Variants in CUX1 observed in about 807,000 individuals in gnomAD.
CUX1 encodes the protein protein CASP.
A neutral mutation model predicts 158.8 loss-of-function variants in CUX1; 31 were observed. The ratio of observed to expected loss-of-function variants is 0.20; its 90% CI spans 0.15 to 0.26. The LOEUF (loss-of-function observed/expected upper bound fraction) is 0.26, where lower values mean the gene tolerates loss of function less well. Among genes scored for constraint, CUX1 ranks in the 10% least tolerant of loss-of-function variants. The pLI is 1.00. For synonymous variants in CUX1, 879 were observed against 862.1 expected (o/e 1.02, Z -0.34); for missense variants, 1,589 against 2,014.6 (o/e 0.79, Z 4.04).
chr7:102,221,567 T>C (rs548847763), intron 20 of CUX1, among the ~76,000 whole-genome samples: 3 of 151,802 alleles, frequency 2.0e-5, no homozygotes, highest in East Asian at 3.9e-4. Flanking sequence ...TTGGCTCCCA[T>C]TGAAAACTTA....
chr7:101,837,092 C>T (rs1039805884), intron 1 of CUX1, among the ~76,000 whole-genome samples: 2 of 152,168 alleles, frequency 1.3e-5, no homozygotes, highest in African/African-American at 2.4e-5. Flanking sequence ...AGCAACTTGC[C>T]GTGCACGGCT....
In CUX1 at chr7:102,104,455, G is replaced by A; in HGVS notation, c.526G>A (p.Glu176Lys). 1 of 1,613,010 alleles carries A rather than the reference G, an allele frequency of 6.2e-7. No homozygotes were observed. Among genetic ancestry groups the A allele is most frequent in the Non-Finnish European group, 8.5e-7 (1 of 1,179,688 alleles). Residue 176 changes from glutamate (E) to lysine (K), a missense_variant, in exon 6 of 24, where the codon GAG (glutamate) becomes AAG (lysine). Transcript: ENST00000292535. ...QKLQNDFAEKERKLQETQMST... is the reference protein window; with the variant it reads ...QKLQNDFAEKKRKLQETQMST... ...GTTACAGAATGACTTTGCAGAAAAG[G>A]AGAGGTGAGCATGACTTCCAGGCAC... is the stretch of plus-strand genomic sequence containing the variant.
In CUX1 at chr7:101,999,206, CT is replaced by C. The variant is rs1416501286; in HGVS notation, c.142-28884del. Among the ~76,000 whole-genome samples, 43 of 108,730 alleles carry C rather than the reference CT, an allele frequency of 4.0e-4. No individual in the cohort carries two copies. The Admixed American group carries it at 4.0e-3, about 10-fold the overall frequency. 71.3% of individuals were successfully genotyped at this position (108,730 alleles called of 152,430 possible). A position where few individuals can be genotyped will look rare whatever the true frequency, so the allele number is the denominator to read the frequency against. On this transcript the variant is annotated intron_variant, in intron 2 of 23. Coordinates refer to ENST00000292535, the MANE Select transcript of CUX1 (RefSeq NM_181552.4). ...GGGATTTTTATCTTTCCTTTACAAA[CT>C]TTTTTTTACCTTTTTTTTTTTTTTT...
At chr7:102,128,122 G>A (rs1832845220) in intron 8 of CUX1, among the ~76,000 whole-genome samples, 1 of 152,186 alleles carries the variant, frequency 6.6e-6, no homozygotes, top group Non-Finnish European at 1.5e-5. Flanking sequence ...ACAGGCGTGA[G>A]CCACCACGCC....
At chr7:101,939,937 C>T (rs1405002594) in intron 2 of CUX1, among the ~76,000 whole-genome samples, 1 of 152,076 alleles carries the variant, frequency 6.6e-6, no homozygotes, top group Non-Finnish European at 1.5e-5. Flanking sequence ...AAAAATTAGC[C>T]AGGCATGGTA....
At chr7:101,887,137 A>G (rs971512658) in intron 1 of CUX1, among the ~76,000 whole-genome samples, 1 of 152,012 alleles carries the variant, frequency 6.6e-6, no homozygotes, top group African/African-American at 2.4e-5. Flanking sequence ...TTTTGCAGGG[A>G]CGGTTTGGAA....
rs1049283867 is a variant in CUX1 at position 102,252,622 on chromosome 7, G to T, written c.*3580G>T. ...GTGTTTGCATTTAGCCTCTTGACCC[G>T]GAGTTCCGGCCCAAGCTCCCTTGTG... On this transcript the variant is annotated 3_prime_UTR_variant, in exon 24 of 24. Transcript: ENST00000292535. 1.0e-6 allele frequency: 1 copy of T among 985,256 alleles called. No individual in the cohort carries two copies. The highest frequency in any genetic ancestry group is 1.7e-5 in the African/African-American group (1 of 57,194). The allele number at this position is 985,256 out of a possible 1,614,324, so 61.0% of individuals were successfully genotyped here.
chr7:102,123,673 T>C (rs1351921203), intron 8 of CUX1, among the ~76,000 whole-genome samples: 3 of 151,974 alleles, frequency 2.0e-5, no homozygotes, highest in African/African-American at 7.2e-5. Flanking sequence ...TTTTTATTTA[T>C]TGATTTTGAG....
chr7:102,022,285 T>C (rs1277720784), intron 2 of CUX1, among the ~76,000 whole-genome samples: 1 of 152,216 alleles, frequency 6.6e-6, no homozygotes, highest in African/African-American at 2.4e-5. Context: ...TTCAGTTCTC[T>C]GACCTAAAAA....
intron 1 of CUX1, among the ~76,000 whole-genome samples, chr7:101,881,538 T>C (rs1456396930): frequency 3.3e-5 from 5 of 152,248 alleles, no homozygotes; most frequent in African/African-American, 9.6e-5. Context: ...CTTGCTCTTA[T>C]CTTTGTCCTT....
upstream of CUX1, chr7:101,817,354 G>C: frequency 3.0e-6 from 3 of 984,858 alleles, no homozygotes; most frequent in Non-Finnish European, 3.6e-6. The surrounding 1 kb of genome is among the most constrained non-coding windows in gnomAD (Gnocchi z 4.1). Context: ...AGCGCGCGGC[G>C]GGTGCGCTCG....
At chr7:101,958,699 CA>C (rs1231925763) in intron 2 of CUX1, among the ~76,000 whole-genome samples, 2 of 151,618 alleles carry the variant, frequency 1.3e-5, no homozygotes, top group African/African-American at 4.8e-5. Context: ...AGGCTGGTCT[CA>C]AACTCCTGGG....
At chr7:101,897,381 G>A (rs374221301) in intron 1 of CUX1, among the ~76,000 whole-genome samples, 8 of 152,048 alleles carry the variant, frequency 5.3e-5, no homozygotes, top group Admixed American at 3.3e-4. Flanking sequence ...TGCACCTGTC[G>A]TGTCAGCTAC....
At chr7:102,070,553 GGA>G in intron 4 of CUX1, 136 bp downstream of exon 4, 1 of 647,280 alleles carries the variant, frequency 1.5e-6, no homozygotes, top group South Asian at 1.9e-5. Flanking sequence ...AAGAAACCAG[GGA>G]GTGCAGGACA....
At chr7:101,887,842 C>CCTTTTTTTTTTTTTTTTTTTT (rs1562966470) in intron 1 of CUX1, among the ~76,000 whole-genome samples, 3 of 135,038 alleles carry the variant, frequency 2.2e-5, no homozygotes, top group Non-Finnish European at 1.6e-5. Flanking sequence ...ATGACGGTGA[C>CCTTTTTTTTTTTTTTTTTTTT]ATTTTTTTTT....
intron 2 of CUX1, among the ~76,000 whole-genome samples, chr7:102,008,849 C>T (rs1223470381): frequency 6.6e-6 from 1 of 152,172 alleles, no homozygotes; most frequent in African/African-American, 2.4e-5. Context: ...GGTCTTTTAT[C>T]AGGATTTTTG....
rs1359908667 is a variant in CUX1, at chr7:102,189,799, T to C, written c.1018-14T>C. 6.2e-7 allele frequency: 1 copy of C among 1,614,192 alleles called. No homozygotes were observed. The highest frequency in any genetic ancestry group is 1.7e-5 in the Admixed American group (1 of 60,032). On this transcript the variant is annotated splice_polypyrimidine_tract_variant and intron_variant, in intron 11 of 23. Coordinates refer to ENST00000292535, the MANE Select transcript of CUX1 (RefSeq NM_181552.4). ...TCAGGCATGGCCACTGATCAAATTCTTCTCTGTTTTCAGCAACTGGAAGAA... is the reference window on the plus strand; with the variant it reads ...TCAGGCATGGCCACTGATCAAATTCCTCTCTGTTTTCAGCAACTGGAAGAA...
intron 2 of CUX1, among the ~76,000 whole-genome samples, chr7:101,984,790 G>A (rs574810233): frequency 6.6e-6 from 1 of 152,286 alleles, no homozygotes; most frequent in East Asian, 1.9e-4. Context: ...AATAAACCGC[G>A]CAAGAAGAAA....
At position 101,869,381 on chromosome 7, in the gene CUX1, A is replaced by G. The variant is rs1798243302; in HGVS notation, c.31-46734A>G. On this transcript the variant is annotated intron_variant, in intron 1 of 23. Transcript: ENST00000292535. This position sits in a 1 kb window ranked among gnomAD's most constrained non-coding sequence, Gnocchi z 4.5. ...GTGCCTGGCACACAGTAGGTGCTTAATAAACACGTGGACTGAACACAAGAG... is the reference window on the plus strand; with the variant it reads ...GTGCCTGGCACACAGTAGGTGCTTAGTAAACACGTGGACTGAACACAAGAG... 1.3e-5 allele frequency among the ~76,000 whole-genome samples: 2 copies of G among 152,226 alleles called. No individual in the cohort carries two copies. Among genetic ancestry groups the G allele is most frequent in the South Asian group, 4.1e-4 (2 of 4,832 alleles).
Sources: allele counts gnomAD v4.1 joint callset (sites outside exome capture counted in the v4.1 genomes callset), GRCh38; gene constraint gnomAD v4.1.1; non-coding constraint Gnocchi (gnomAD v3.1); transcripts MANE v1.5; gene names NCBI Gene and HGNC (gene_info 2026-07-23, HGNC 2026-07-21).